The following LRMDA variants were observed in gnomAD, a reference collection of about 807,000 sequenced individuals.
The protein encoded by LRMDA is leucine-rich melanocyte differentiation-associated protein.
In LRMDA, 18 loss-of-function variants were observed where a neutral mutation model predicts 29.8. That is an observed-to-expected ratio of 0.60 (90% CI 0.42 to 0.90). The LOEUF is 0.90. Ranked by LOEUF, LRMDA falls within the 40% of genes least tolerant of loss-of-function variation. The pLI, the probability that LRMDA is intolerant of heterozygous loss-of-function variation, is 0.00. For synonymous variants in LRMDA, 125 were observed against 109.4 expected, an observed-to-expected ratio of 1.14 and a Z score of -0.89; for missense variants, 273 against 273.9, an observed-to-expected ratio of 1.00 and a Z score of 0.02.
At chr10:76,477,735 A>C (rs1052144100) in intron 6 of LRMDA, among the ~76,000 whole-genome samples, 4 of 152,162 alleles carry the variant, frequency 2.6e-5, no homozygotes, top group African/African-American at 9.7e-5. Flanking sequence ...CAGAGCCCTC[A>C]GAAATAATAC....
intron 2 of LRMDA, among the ~76,000 whole-genome samples, chr10:75,487,199 A>G (rs1405528967): frequency 6.6e-6 from 1 of 152,210 alleles, no homozygotes; most frequent in Non-Finnish European, 1.5e-5. Context: ...TAGACTTCAA[A>G]TCAGTTTTCC....
Position 75,456,374 on chromosome 10 carries a change from C to T in LRMDA, c.131+17880C>T, listed in dbSNP as rs117868436. On this transcript the variant is annotated intron_variant, in intron 2 of 6. Coordinates refer to ENST00000611255, the MANE Select transcript of LRMDA (RefSeq NM_001305581.2). Reference sequence around the variant, plus strand: ...TCGTTCAGAAGGGGAGGAACCAAAACTTGAAACCTCATCTTTCAGAAATTG... The same window carrying T: ...TCGTTCAGAAGGGGAGGAACCAAAATTTGAAACCTCATCTTTCAGAAATTG... 3.9e-4 allele frequency among the ~76,000 whole-genome samples: 59 copies of T among 152,364 alleles called. No homozygotes were observed. In the East Asian group the frequency reaches 0.01, roughly 27 times the overall value.
intron 2 of LRMDA, among the ~76,000 whole-genome samples, chr10:75,787,592 C>T (rs865961203): frequency 2.6e-5 from 4 of 152,252 alleles, no homozygotes; most frequent in African/African-American, 9.6e-5. Flanking sequence ...AATCAAGGGC[C>T]CAACCCCTTA....
intron 6 of LRMDA, among the ~76,000 whole-genome samples, chr10:76,352,634 T>C (rs1402480387): frequency 6.6e-6 from 1 of 152,170 alleles, no homozygotes; most frequent in Non-Finnish European, 1.5e-5. Context: ...TTTCAGACTC[T>C]AGTTGACTGT....
intron 6 of LRMDA, among the ~76,000 whole-genome samples, chr10:76,330,525 G>C (rs1840891859): frequency 6.6e-6 from 1 of 152,118 alleles, no homozygotes; most frequent in African/African-American, 2.4e-5. Flanking sequence ...AGGTTTTATG[G>C]CTGGCTTTAA....
At chr10:75,754,251 G>A (rs929376544) in intron 2 of LRMDA, among the ~76,000 whole-genome samples, 4 of 152,166 alleles carry the variant, frequency 2.6e-5, no homozygotes, top group Non-Finnish European at 5.9e-5. Flanking sequence ...GGTCTTGTGG[G>A]CAGGGCAGAT....
chr10:76,052,706 G>A (rs1345835968), intron 4 of LRMDA, among the ~76,000 whole-genome samples: 2 of 152,196 alleles, frequency 1.3e-5, no homozygotes, highest in Non-Finnish European at 2.9e-5. Context: ...TGGTCTCTCA[G>A]ATTTAGGAAA....
chr10:75,924,272 G>A (rs896872833), intron 2 of LRMDA, among the ~76,000 whole-genome samples: 17 of 152,270 alleles, frequency 1.1e-4, no homozygotes, highest in East Asian at 9.6e-4. Flanking sequence ...CAACAACTAC[G>A]CATAATGTAC....
At chr10:76,093,891 G>A (rs913492892) in intron 5 of LRMDA, among the ~76,000 whole-genome samples, 2 of 152,158 alleles carry the variant, frequency 1.3e-5, no homozygotes, top group Non-Finnish European at 2.9e-5. Flanking sequence ...AATAACAGTG[G>A]TGTTGATAGC....
At chr10:76,048,648 A>G (rs1848480552) in intron 4 of LRMDA, among the ~76,000 whole-genome samples, 1 of 152,204 alleles carries the variant, frequency 6.6e-6, no homozygotes, top group Non-Finnish European at 1.5e-5. Context: ...AGGTATTCTG[A>G]TGCAGTTGGT....
chr10:75,623,246 T>A (rs1433925069), intron 2 of LRMDA, among the ~76,000 whole-genome samples: 1 of 152,216 alleles, frequency 6.6e-6, no homozygotes, highest in Non-Finnish European at 1.5e-5. Context: ...CTGATTCCAA[T>A]TTAACACAGG....
intron 5 of LRMDA, among the ~76,000 whole-genome samples, chr10:76,272,927 C>T (rs139580003): frequency 6.6e-6 from 1 of 152,126 alleles, no homozygotes; most frequent in Non-Finnish European, 1.5e-5. Flanking sequence ...AGGAAACTGC[C>T]CCCATGATCC....
chr10:75,581,608 T>TA (rs35419563), intron 2 of LRMDA, among the ~76,000 whole-genome samples: 2 of 151,112 alleles, frequency 1.3e-5, no homozygotes, highest in Admixed American at 6.6e-5. Flanking sequence ...TATGCAGCCA[T>TA]AAAAAAAGGA....
chr10:75,521,309 A>C (rs1589167894), intron 2 of LRMDA, among the ~76,000 whole-genome samples: 1 of 152,246 alleles, frequency 6.6e-6, no homozygotes, highest in East Asian at 1.9e-4. Context: ...TGTCCTGCCC[A>C]CAGAGGTGGA....
intron 6 of LRMDA, among the ~76,000 whole-genome samples, chr10:76,510,782 C>T (rs899200857): frequency 6.6e-6 from 1 of 152,170 alleles, no homozygotes; most frequent in African/African-American, 2.4e-5. Flanking sequence ...CTTGCCAGAG[C>T]TTTAGCCACC....
intron 6 of LRMDA, among the ~76,000 whole-genome samples, chr10:76,471,095 C>T (rs77900206): frequency 0.017 from 2,539 of 151,570 alleles, 69 homozygotes; most frequent in African/African-American, 0.058. Context: ...AAGGAAATGG[C>T]GCCAGATGGT....
rs1845299440 is a variant in LRMDA, at chr10:75,881,806, T to C, written c.132-154202T>C. ...TGTACTTTCATTTTCAATAAATTTC[T>C]GCTTTTGTTTGCTTCATTCTTTCCT... On this transcript the variant is annotated intron_variant, in intron 2 of 6. Transcript: ENST00000611255. Among the ~76,000 whole-genome samples, 2 of 152,254 alleles carry C rather than the reference T, an allele frequency of 1.3e-5. 1 individual carries two copies. Among genetic ancestry groups the C allele is most frequent in the Non-Finnish European group, 2.9e-5 (2 of 68,042 alleles).
At chr10:76,100,092 AT>A (rs1232081332) in intron 5 of LRMDA, among the ~76,000 whole-genome samples, 2 of 151,946 alleles carry the variant, frequency 1.3e-5, no homozygotes, top group Non-Finnish European at 2.9e-5. Flanking sequence ...TGCTTTATGT[AT>A]TTTGAAGATC....
At chr10:76,556,996 G>A (rs369046019) in intron 6 of LRMDA, among the ~76,000 whole-genome samples, 2 of 152,308 alleles carry the variant, frequency 1.3e-5, no homozygotes, top group South Asian at 2.1e-4. Flanking sequence ...GCCTATACTT[G>A]TAGTGACATT....
Sources: gnomAD v4.1 joint callset for allele counts (sites outside exome capture counted in the v4.1 genomes callset) on GRCh38, gnomAD v4.1.1 for gene constraint, MANE v1.5 for transcripts, NCBI Gene and HGNC (gene_info 2026-07-23, HGNC 2026-07-21) for gene names.